The following DNM3 variants were observed in gnomAD, a reference collection of about 807,000 sequenced individuals.
DNM3 encodes the protein dynamin-3.
Under a neutral mutation model 101.6 loss-of-function variants are expected in DNM3, and 47 were observed. The observed-to-expected ratio is 0.46, with a 90% CI of 0.37 to 0.59. The LOEUF is 0.59. DNM3 is among the 20% of genes least tolerant of loss of function. The pLI, the probability that DNM3 is intolerant of heterozygous loss-of-function variation, is 0.00. For synonymous variants in DNM3, 385 were observed against 387.9 expected (o/e 0.99, Z 0.09); for missense variants, 849 against 1,085.7 (o/e 0.78, Z 3.06).
rs149679648 is a variant in DNM3 at position 172,135,490 on chromosome 1, TTTTG to T, written c.1659+4206_1659+4209del. Among the ~76,000 whole-genome samples, 765 of 152,276 alleles carry T rather than the reference TTTTG, an allele frequency of 5.0e-3. 6 individuals carry two copies. The highest frequency in any genetic ancestry group is 8.2e-3 in the Non-Finnish European group (555 of 68,000). On this transcript the variant is annotated intron_variant, in intron 14 of 20. Transcript: ENST00000627582. ...TTTTCATCATTGAAGGTTAGTGTTT[TTTTG>T]TTTTTGTTTTTGTTTTTTGTTTGTT...
chr1:172,031,275 A>G (rs2048587129), intron 4 of DNM3, among the ~76,000 whole-genome samples: 1 of 152,194 alleles, frequency 6.6e-6, no homozygotes, highest in Non-Finnish European at 1.5e-5. Flanking sequence ...GCTGGAAGCC[A>G]TTATTCTCAG....
At chr1:172,026,040 A>C (rs993484185) in intron 4 of DNM3, among the ~76,000 whole-genome samples, 1 of 152,160 alleles carries the variant, frequency 6.6e-6, no homozygotes, top group Non-Finnish European at 1.5e-5. Context: ...AACCCAATAC[A>C]AGGAAGCCAA....
intron 15 of DNM3, among the ~76,000 whole-genome samples, chr1:172,305,451 G>A (rs1002521821): frequency 6.6e-6 from 1 of 152,170 alleles, no homozygotes; most frequent in Admixed American, 6.5e-5. Context: ...TCTACCAGAG[G>A]TACAAGGAGG....
At chr1:172,315,846 T>G (rs1351184027) in intron 16 of DNM3, among the ~76,000 whole-genome samples, 1 of 152,074 alleles carries the variant, frequency 6.6e-6, no homozygotes, top group African/African-American at 2.4e-5. Context: ...TTCCCCAATC[T>G]AGCAAGGCAG....
At chr1:171,861,923 G>A (rs1429179133) in intron 1 of DNM3, among the ~76,000 whole-genome samples, 7 of 152,038 alleles carry the variant, frequency 4.6e-5, no homozygotes, top group Non-Finnish European at 7.4e-5. Context: ...TTAAAAATTA[G>A]GCAGAAGACT....
At chr1:171,882,969 C>T (rs1445007477) in intron 1 of DNM3, among the ~76,000 whole-genome samples, 1 of 151,000 alleles carries the variant, frequency 6.6e-6, no homozygotes, top group Admixed American at 6.6e-5. Context: ...CAGAATAATC[C>T]CATATTTTAT....
At chr1:172,211,416 T>C (rs2060510204) in intron 14 of DNM3, among the ~76,000 whole-genome samples, 1 of 152,148 alleles carries the variant, frequency 6.6e-6, no homozygotes, top group Admixed American at 6.6e-5. Context: ...GAAAAAGTCT[T>C]ATAGTCTGGG....
intron 11 of DNM3, among the ~76,000 whole-genome samples, chr1:172,080,623 G>C (rs2053060637): frequency 2.0e-5 from 3 of 152,146 alleles, no homozygotes; most frequent in Admixed American, 2.0e-4. Flanking sequence ...CCCCTTTCCA[G>C]GGGAGTGAAC....
intron 16 of DNM3, among the ~76,000 whole-genome samples, chr1:172,311,668 T>C (rs570179023): frequency 6.0e-4 from 91 of 152,248 alleles, no homozygotes; most frequent in Non-Finnish European, 1.2e-3. Flanking sequence ...AAGTTATCCA[T>C]CTCCCAGTAA....
At chr1:172,121,931 C>T (rs1283857693) in intron 13 of DNM3, among the ~76,000 whole-genome samples, 7 of 152,278 alleles carry the variant, frequency 4.6e-5, no homozygotes, top group African/African-American at 1.7e-4. Flanking sequence ...AGTCAGGCTT[C>T]TTTCATCACA....
intron 1 of DNM3, among the ~76,000 whole-genome samples, chr1:171,874,852 G>T (rs1264040428): frequency 6.6e-6 from 1 of 150,992 alleles, no homozygotes; most frequent in Admixed American, 6.6e-5. Flanking sequence ...GCCCCCAGTG[G>T]CTATTGTCAT....
chr1:172,039,620 A>G (rs937411613), intron 7 of DNM3, among the ~76,000 whole-genome samples: 35 of 152,106 alleles, frequency 2.3e-4, no homozygotes, highest in African/African-American at 8.0e-4. Context: ...TTCTGCTTGC[A>G]AATACCGGGT....
At chr1:172,064,592 G>T (rs2051503824) in intron 10 of DNM3, among the ~76,000 whole-genome samples, 1 of 152,098 alleles carries the variant, frequency 6.6e-6, no homozygotes. Context: ...CAATTGAAAT[G>T]TCAGTAGGAC....
Position 172,253,822 on chromosome 1 carries a change from A to G in DNM3, c.1769+140A>G, listed in dbSNP as rs964444776. ...TCAGTTTTCCTTTCATTTATTTTGT[A>G]TTTTTAAATTCCACCATGGGTTATG... On this transcript the variant is annotated intron_variant, in intron 15 of 20. Transcript: ENST00000627582. The G allele has an allele frequency of 3.2e-5, 15 of 475,342 alleles. No homozygotes were observed. In the Middle Eastern group the frequency reaches 1.0e-3, roughly 33 times the overall value. 29.4% of individuals were successfully genotyped at this position (475,342 alleles called of 1,614,324 possible).
At chr1:172,043,099 T>C (rs190137209) in intron 8 of DNM3, among the ~76,000 whole-genome samples, 4 of 152,160 alleles carry the variant, frequency 2.6e-5, no homozygotes, top group African/African-American at 9.6e-5. Flanking sequence ...AGAATTAAAC[T>C]TCTTTAGCTT....
rs189697323 is a variant in DNM3, at chr1:172,409,941, A to G, written c.*2100A>G. ...ATCAGCACAAACCATGTCAAAAAAA[A>G]TTGGAGATTTTTTTCCAATTTTCCT... is the stretch of plus-strand genomic sequence containing the variant. On this transcript the variant is annotated 3_prime_UTR_variant, in exon 21 of 21. Coordinates refer to ENST00000627582, the MANE Select transcript of DNM3 (RefSeq NM_015569.5). The G allele has an allele frequency of 9.1e-6, 9 of 985,776 alleles. No homozygotes were observed. The African/African-American group carries it at 1.6e-4, about 17-fold the overall frequency. 61.1% of individuals were successfully genotyped at this position (985,776 alleles called of 1,614,324 possible). A position where few individuals can be genotyped will look rare whatever the true frequency, so the allele number is the denominator to read the frequency against.
intron 14 of DNM3, among the ~76,000 whole-genome samples, chr1:172,217,045 C>T (rs2148546134): frequency 6.6e-6 from 1 of 152,174 alleles, no homozygotes; most frequent in African/African-American, 2.4e-5. Flanking sequence ...ATTGGGGTGA[C>T]ACATTTATAG....
chr1:172,255,665 G>T (rs946536457), intron 15 of DNM3, among the ~76,000 whole-genome samples: 1 of 152,090 alleles, frequency 6.6e-6, no homozygotes, highest in African/African-American at 2.4e-5. Context: ...ACTTCTCAGT[G>T]ACCTCAGTGA....
intron 17 of DNM3, among the ~76,000 whole-genome samples, chr1:172,373,060 T>G (rs2068427500): frequency 6.6e-6 from 1 of 152,044 alleles, no homozygotes; most frequent in Admixed American, 6.6e-5. Flanking sequence ...AAGCATTATG[T>G]CTATTCTAAA....
Sources: allele counts gnomAD v4.1 joint callset (sites outside exome capture counted in the v4.1 genomes callset), GRCh38; gene constraint gnomAD v4.1.1; transcripts MANE v1.5; gene names NCBI Gene and HGNC (gene_info 2026-07-23, HGNC 2026-07-21).